The following SYNPO2 variants were observed in gnomAD, a reference collection of about 807,000 sequenced individuals.
The protein encoded by SYNPO2 is synaptopodin-2.
A neutral mutation model predicts 85.0 loss-of-function variants in SYNPO2; 56 were observed. That is an observed-to-expected ratio of 0.66 (90% CI 0.53 to 0.82). SYNPO2 has a LOEUF of 0.82. SYNPO2 is among the 40% of genes least tolerant of loss of function. SYNPO2 has a pLI of 0.00. For missense variants in SYNPO2, 1,575 were observed against 1,534.2 expected (o/e 1.03, Z -0.44); for synonymous variants, 602 against 591.1 (o/e 1.02, Z -0.27).
chr4:118,939,460 C>T (rs1380669379), intron 1 of SYNPO2, among the ~76,000 whole-genome samples: 2 of 152,186 alleles, frequency 1.3e-5, no homozygotes, highest in Admixed American at 6.5e-5. Flanking sequence ...ACATTGCTAA[C>T]AATGAGGTAG....
At chr4:118,889,404 C>T (rs1043504543) in intron 1 of SYNPO2, among the ~76,000 whole-genome samples, 4 of 152,136 alleles carry the variant, frequency 2.6e-5, no homozygotes, top group African/African-American at 7.2e-5. Flanking sequence ...GCCTAGTTAA[C>T]CATGTTCTTC....
At chr4:119,022,524 T>G (rs184762814) in intron 1 of SYNPO2, among the ~76,000 whole-genome samples, 6,550 of 142,282 alleles carry the variant, frequency 0.046, 582 homozygotes, top group African/African-American at 0.16. Context: ...TTTTTTTTTT[T>G]TTTTTTTTTT....
In SYNPO2 at chr4:118,944,143, C is replaced by A. The variant is rs548065084; in HGVS notation, c.105+55002C>A. ...TTCTTTGATGTCAGCTTTACTTTGGCCACATAGGCTTAATCTAGGATGGCT... is the reference window on the plus strand; with the variant it reads ...TTCTTTGATGTCAGCTTTACTTTGGACACATAGGCTTAATCTAGGATGGCT... On this transcript the variant is annotated intron_variant, in intron 1 of 4. Coordinates refer to ENST00000307142, the MANE Select transcript of SYNPO2 (RefSeq NM_133477.3). Among the ~76,000 whole-genome samples the A allele has an allele frequency of 1.5e-3, 225 of 151,968 alleles. 1 individual carries two copies. Among genetic ancestry groups the A allele is most frequent in the Non-Finnish European group, 2.5e-3 (169 of 67,944 alleles).
intron 4 of SYNPO2, among the ~76,000 whole-genome samples, chr4:119,055,211 G>C (rs1003925076): frequency 6.6e-6 from 1 of 151,874 alleles, no homozygotes; most frequent in Non-Finnish European, 1.5e-5. Flanking sequence ...GAGTGCAGTG[G>C]TGTGATCTCA....
In SYNPO2 at chr4:119,030,348, GC is replaced by G. The variant is rs1396502149; in HGVS notation, c.1576del (p.Gln526ArgfsTer5). The G allele has an allele frequency of 6.2e-7, 1 of 1,614,026 alleles. No individual in the cohort carries two copies. The highest frequency in any genetic ancestry group is 8.5e-7 in the Non-Finnish European group (1 of 1,180,052). On this transcript the variant is annotated frameshift_variant, in exon 4 of 5. Transcript: ENST00000307142. LOFTEE classifies it high-confidence loss of function. ...GGTPSREQDA[A>X]QTDGLRTTTS... ...AACGCCAAGCAGAGAACAAGATGCT[GC>G]CCAGACCGATGGCCTGAGAACCACG... is the stretch of plus-strand genomic sequence containing the variant.
At chr4:118,991,210 C>T (rs1303592887) in intron 1 of SYNPO2, among the ~76,000 whole-genome samples, 3 of 152,096 alleles carry the variant, frequency 2.0e-5, no homozygotes, top group African/African-American at 7.2e-5. Flanking sequence ...TGTAGTGGGG[C>T]CATCTTGACT....
upstream of SYNPO2, among the ~76,000 whole-genome samples, chr4:118,886,056 T>C (rs1732193660): frequency 6.6e-6 from 1 of 152,048 alleles, no homozygotes; most frequent in African/African-American, 2.4e-5. Context: ...TTGATAAGAG[T>C]GGCTACAGAG....
At chr4:118,871,792 A>G (rs1731808000) in intron 1 of SYNPO2, among the ~76,000 whole-genome samples, 1 of 152,018 alleles carries the variant, frequency 6.6e-6, no homozygotes, top group African/African-American at 2.4e-5. Flanking sequence ...GATGATCTCG[A>G]TCTCCTGACC....
At chr4:118,895,289 C>T (rs1732516180) in intron 1 of SYNPO2, among the ~76,000 whole-genome samples, 1 of 152,164 alleles carries the variant, frequency 6.6e-6, no homozygotes, top group African/African-American at 2.4e-5. Flanking sequence ...GGTACCTGCT[C>T]TTTACCCATA....
At chr4:118,885,505 C>T (rs371167296), upstream of SYNPO2, among the ~76,000 whole-genome samples, 8 of 145,154 alleles carry the variant, frequency 5.5e-5, no homozygotes, top group African/African-American at 1.8e-4. Flanking sequence ...TGGAGTCTTG[C>T]TCTATTGCCC....
intron 1 of SYNPO2, among the ~76,000 whole-genome samples, chr4:118,866,103 C>T (rs1037952583): frequency 1.3e-5 from 2 of 152,066 alleles, no homozygotes; most frequent in African/African-American, 4.8e-5. Flanking sequence ...ATTATAAACC[C>T]CTTGATGCAT....
intron 1 of SYNPO2, among the ~76,000 whole-genome samples, chr4:118,900,651 C>A (rs1732692206): frequency 7.1e-6 from 1 of 140,036 alleles, no homozygotes. Context: ...GTAATCTTAC[C>A]CTAGAATCTC....
At chr4:118,927,286 G>T (rs1733741027) in intron 1 of SYNPO2, among the ~76,000 whole-genome samples, 1 of 151,918 alleles carries the variant, frequency 6.6e-6, no homozygotes, top group Non-Finnish European at 1.5e-5. Flanking sequence ...CATTATTCAG[G>T]TATTCACTCT....
chr4:118,855,118 C>T (rs748656630), intron 1 of SYNPO2, among the ~76,000 whole-genome samples: 5 of 126,894 alleles, frequency 3.9e-5, no homozygotes, highest in Admixed American at 9.1e-5. Context: ...TTTATTTTTA[C>T]TAAAGCAAAA....
At chr4:118,852,707 G>A (rs1383686834) in intron 1 of SYNPO2, among the ~76,000 whole-genome samples, 2 of 152,128 alleles carry the variant, frequency 1.3e-5, no homozygotes, top group Non-Finnish European at 2.9e-5. Context: ...ACACACACTG[G>A]GGCCTATTGG....
rs528399373 is a variant in SYNPO2, at chr4:118,954,090, A to G, written c.105+64949A>G. On this transcript the variant is annotated intron_variant, in intron 1 of 4. Transcript: ENST00000307142. ...CACCTAATTTCTCTTAACATTGGCA[A>G]TTGCCAATGTTCTTCACATACAGGT... Among the ~76,000 whole-genome samples the G allele has an allele frequency of 5.9e-5, 9 of 152,240 alleles. 1 individual carries two copies. Among genetic ancestry groups the G allele is most frequent in the African/African-American group, 1.9e-4 (8 of 41,552 alleles).
At chr4:118,890,729 CTCTCTGTGTGTGTG>C (rs1009934954) in intron 1 of SYNPO2, among the ~76,000 whole-genome samples, 4 of 137,092 alleles carry the variant, frequency 2.9e-5, no homozygotes, top group African/African-American at 1.1e-4. Context: ...CTCTCTCTCT[CTCTCTGTGTGTGTG>C]TGTGTGTGTG....
chr4:119,020,088 C>A (rs1737661144), intron 1 of SYNPO2, among the ~76,000 whole-genome samples: 1 of 152,118 alleles, frequency 6.6e-6, no homozygotes, highest in Non-Finnish European at 1.5e-5. Flanking sequence ...TACACTAATA[C>A]ATGTTTATCC....
At chr4:118,973,242 A>C (rs1735601464) in intron 1 of SYNPO2, among the ~76,000 whole-genome samples, 1 of 152,174 alleles carries the variant, frequency 6.6e-6, no homozygotes, top group African/African-American at 2.4e-5. Context: ...TAATTCAAGG[A>C]TTCTATTATA....
Sources: allele counts gnomAD v4.1 joint callset (sites outside exome capture counted in the v4.1 genomes callset), GRCh38; gene constraint gnomAD v4.1.1; transcripts MANE v1.5; gene names NCBI Gene and HGNC (gene_info 2026-07-23, HGNC 2026-07-21).